The following MACROH2A2 variants were observed in gnomAD, a reference collection of about 807,000 sequenced individuals.
MACROH2A2 encodes the protein core histone macro-H2A.2.
A neutral mutation model predicts 37.6 loss-of-function variants in MACROH2A2; 6 were observed. That is an observed-to-expected ratio of 0.16 (90% confidence interval 0.09 to 0.32). MACROH2A2 has a LOEUF of 0.32. MACROH2A2 is among the 10% of genes least tolerant of loss of function. MACROH2A2 has a pLI of 1.00. For missense variants in MACROH2A2, 290 were observed against 485.9 expected, an observed-to-expected ratio of 0.60 and a Z score of 3.79; for synonymous variants, 192 against 202.7, an observed-to-expected ratio of 0.95 and a Z score of 0.45.
chr10:70,063,099 CA>C (rs201780041), intron 1 of MACROH2A2, among the ~76,000 whole-genome samples: 13 of 142,356 alleles, frequency 9.1e-5, no homozygotes, highest in South Asian at 4.4e-4. Context: ...CCACAGTTTA[CA>C]AAAAAAAAAA....
chr10:70,058,687 C>T lies in MACROH2A2; in HGVS notation c.-60+5687C>T, dbSNP rs1215585222. ...ACAGAATTTTGTAACTTGTATTTTGCGCTCCTGCCTTCACTGCTCAATAAG... is the reference window on the plus strand; with the variant it reads ...ACAGAATTTTGTAACTTGTATTTTGTGCTCCTGCCTTCACTGCTCAATAAG... On this transcript the variant is annotated intron_variant, in intron 1 of 8. Transcript: ENST00000373255. Among the ~76,000 whole-genome samples, 39 of 152,078 alleles carry T rather than the reference C, an allele frequency of 2.6e-4. 1 individual carries two copies. Among genetic ancestry groups the T allele is most frequent in the Non-Finnish European group, 2.9e-5 (2 of 68,012 alleles).
intron 8 of MACROH2A2, among the ~76,000 whole-genome samples, chr10:70,110,871 G>A (rs1196940420): frequency 6.6e-6 from 1 of 152,008 alleles, no homozygotes; most frequent in Non-Finnish European, 1.5e-5. Flanking sequence ...CTGAGTGATG[G>A]AGCAAGACTT....
intron 2 of MACROH2A2, among the ~76,000 whole-genome samples, chr10:70,086,001 ATTT>A (rs56655318): frequency 2.7e-5 from 4 of 147,898 alleles, no homozygotes; most frequent in Admixed American, 1.3e-4. Flanking sequence ...TTTGCTTTGA[ATTT>A]TTTTTTTTTT....
At chr10:70,082,112 C>T (rs1193990244) in intron 2 of MACROH2A2, among the ~76,000 whole-genome samples, 1 of 152,294 alleles carries the variant, frequency 6.6e-6, no homozygotes, top group East Asian at 1.9e-4. Flanking sequence ...TAGCCATATA[C>T]CTAAGAGAAC....
At chr10:70,070,078 G>A (rs2072100332) in intron 1 of MACROH2A2, among the ~76,000 whole-genome samples, 1 of 152,120 alleles carries the variant, frequency 6.6e-6, no homozygotes, top group South Asian at 2.1e-4. Flanking sequence ...AGGGATTCCT[G>A]GATGTGCTCT....
At chr10:70,100,151 C>T in intron 6 of MACROH2A2, 57 bp from the exon 7 acceptor site, 1 of 870,510 alleles carries the variant, frequency 1.1e-6, no homozygotes, top group Admixed American at 2.0e-5. Context: ...ATATGTCAAA[C>T]AGTGTAATTA....
intron 7 of MACROH2A2, among the ~76,000 whole-genome samples, chr10:70,105,840 C>A (rs552446028): frequency 6.6e-6 from 1 of 152,032 alleles, no homozygotes; most frequent in Non-Finnish European, 1.5e-5. Flanking sequence ...AAAGGGGAAT[C>A]GGGTTTCAGG....
rs529460384 is a variant in MACROH2A2, at chr10:70,107,077, G to A, written c.779-1956G>A. ...CTCTGCTTCTGGTGCACAAATATAC[G>A]TGGTCGTAGAGTCAGCACGCATGGC... On this transcript the variant is annotated intron_variant, in intron 7 of 8. Coordinates refer to ENST00000373255, the MANE Select transcript of MACROH2A2 (RefSeq NM_018649.3). The surrounding 1 kb of genome is among the most constrained non-coding windows in gnomAD (Gnocchi z 4.4). Among the ~76,000 whole-genome samples the A allele has an allele frequency of 5.9e-5, 9 of 152,224 alleles. No individual in the cohort carries two copies. Among genetic ancestry groups the A allele is most frequent in the South Asian group, 2.1e-4 (1 of 4,826 alleles).
At chr10:70,086,425 C>T (rs1301720985) in intron 2 of MACROH2A2, among the ~76,000 whole-genome samples, 3 of 152,126 alleles carry the variant, frequency 2.0e-5, no homozygotes, top group Admixed American at 2.0e-4. Context: ...ATCTGCATTC[C>T]CTGAATTGTG....
At chr10:70,103,343 C>A (rs1434979165) in intron 7 of MACROH2A2, among the ~76,000 whole-genome samples, 1 of 152,202 alleles carries the variant, frequency 6.6e-6, no homozygotes, top group Non-Finnish European at 1.5e-5. Flanking sequence ...CTGCTCTGCA[C>A]AGAATGAGAA....
intron 1 of MACROH2A2, among the ~76,000 whole-genome samples, chr10:70,067,719 G>A (rs925726242): frequency 4.6e-5 from 7 of 152,154 alleles, no homozygotes; most frequent in African/African-American, 1.7e-4. Context: ...GAGGACCAGG[G>A]AAAGATTAGG....
In MACROH2A2 at chr10:70,075,957, A is replaced by T; in HGVS notation, c.172+127A>T. The T allele has an allele frequency of 1.4e-6, 1 of 731,592 alleles. No individual in the cohort carries two copies. Among genetic ancestry groups the T allele is most frequent in the African/African-American group, 1.8e-5 (1 of 56,866 alleles). The allele number at this position is 731,592 out of a possible 1,614,324, so 45.3% of individuals were successfully genotyped here. On this transcript the variant is annotated intron_variant, in intron 2 of 8. Transcript: ENST00000373255. This position sits in a 1 kb window ranked among gnomAD's most constrained non-coding sequence, Gnocchi z 5.0. ...TGGCTCAAGGCTACTGTGGGTGGTG[A>T]CAGGGTTGCAACTGGCCTGCTTGGC...
intron 1 of MACROH2A2, among the ~76,000 whole-genome samples, chr10:70,059,825 G>T (rs1051700794): frequency 2.0e-5 from 3 of 152,152 alleles, no homozygotes; most frequent in African/African-American, 7.2e-5. Context: ...AACTTTGGCA[G>T]GTTTCACCCA....
chr10:70,110,662 A>T (rs903064043), intron 8 of MACROH2A2, among the ~76,000 whole-genome samples: 17 of 151,774 alleles, frequency 1.1e-4, no homozygotes, highest in Admixed American at 2.6e-4. Context: ...AGGCAGGAGG[A>T]TCATTTGAGG....
chr10:70,095,628 T>G, intron 5 of MACROH2A2, 26 bp from the exon 6 acceptor site: 1 of 1,050,758 alleles, frequency 9.5e-7, no homozygotes, highest in Non-Finnish European at 1.5e-6. Flanking sequence ...CTTTTCCACA[T>G]TCACCACCTT....
At chr10:70,082,274 C>T (rs891682114) in intron 2 of MACROH2A2, among the ~76,000 whole-genome samples, 3 of 152,052 alleles carry the variant, frequency 2.0e-5, no homozygotes, top group Non-Finnish European at 4.4e-5. Flanking sequence ...ACAAAATTAG[C>T]CGGGTGTGGT....
intron 6 of MACROH2A2, chr10:70,099,483 A>C (rs2072294244): frequency 6.6e-6 from 1 of 152,208 alleles, no homozygotes; most frequent in South Asian, 2.1e-4. Context: ...GCTGCCCCAA[A>C]GCTGCCGTCA....
intron 8 of MACROH2A2, among the ~76,000 whole-genome samples, chr10:70,110,702 TAAC>T (rs1171344492): frequency 4.0e-5 from 6 of 150,786 alleles, no homozygotes; most frequent in African/African-American, 1.5e-4. Flanking sequence ...CTGGGCAACA[TAAC>T]AAGACCCATC....
At position 70,053,671 on chromosome 10, in the gene MACROH2A2, C is replaced by T. The variant is rs929184880; in HGVS notation, c.-60+671C>T. On this transcript the variant is annotated intron_variant, in intron 1 of 8. Transcript: ENST00000373255. The surrounding 1 kb of genome is among the most constrained non-coding windows in gnomAD (Gnocchi z 4.8). The stretch of plus-strand genomic sequence containing the variant: ...CCGGGCGCCGCGGGCGGGCGTGCGC[C>T]CCGGGGCCGGCGCGGAAGAGGGCGC... 2.6e-5 allele frequency among the ~76,000 whole-genome samples: 4 copies of T among 151,052 alleles called. No individual in the cohort carries two copies. The highest frequency in any genetic ancestry group is 9.7e-5 in the African/African-American group (4 of 41,244).
Sources: gnomAD v4.1 joint callset for allele counts (sites outside exome capture counted in the v4.1 genomes callset) on GRCh38, gnomAD v4.1.1 for gene constraint, Gnocchi (gnomAD v3.1) non-coding constraint, MANE v1.5 for transcripts, NCBI Gene and HGNC (gene_info 2026-07-23, HGNC 2026-07-21) for gene names.